ZC3H13: variants seen among roughly 807,000 people sequenced by gnomAD.
ZC3H13 encodes the protein zinc finger CCCH-type containing 13.
A neutral mutation model predicts 204.1 loss-of-function variants in ZC3H13; 64 were observed. The ratio of observed to expected loss-of-function variants is 0.31; its 90% CI spans 0.26 to 0.39. The LOEUF (loss-of-function observed/expected upper bound fraction) is 0.39, where lower values mean the gene tolerates loss of function less well. Among genes scored for constraint, ZC3H13 ranks in the 10% least tolerant of loss-of-function variants. The pLI is 1.00. For synonymous variants in ZC3H13, 667 were observed against 693.7 expected (o/e 0.96, Z 0.60); for missense variants, 1,833 against 2,082.7 (o/e 0.88, Z 2.33).
In ZC3H13 at chr13:46,045,400, A is replaced by G; in HGVS notation, c.108T>C (p.Ser36=). ...ACTAGTGACAACTCACCTCTGCTGT[A>G]CTGCCAGTGCTGGGTCCAAGCCTCT... is the stretch of plus-strand genomic sequence containing the variant. The part of the protein sequence containing the change: ...VFERLGPSTG[S]TAETQCRNWL... Residue 36 remains serine, a synonymous_variant, in exon 2 of 19, where the codon AGT becomes AGC. Transcript: ENST00000679008. The G allele has an allele frequency of 1.2e-6, 2 of 1,613,816 alleles. No homozygotes were observed. The highest frequency in any genetic ancestry group is 1.1e-5 in the South Asian group (1 of 91,086).
chr13:46,038,287 C>G (rs1278749780), intron 4 of ZC3H13, among the ~76,000 whole-genome samples: 2 of 152,196 alleles, frequency 1.3e-5, no homozygotes, highest in African/African-American at 2.4e-5. Flanking sequence ...CTTCTTCCCT[C>G]CCCTCTGACA....
chr13:46,037,691 G>C (rs1223733399), intron 4 of ZC3H13, among the ~76,000 whole-genome samples: 1 of 151,758 alleles, frequency 6.6e-6, no homozygotes, highest in African/African-American at 2.4e-5. Flanking sequence ...ACATCACCTA[G>C]ACCAGCCCTT....
Position 45,956,948 on chromosome 13 carries a change from T to C in ZC3H13, c.*179A>G, listed in dbSNP as rs1951306242. The C allele has an allele frequency of 4.3e-6, 2 of 463,020 alleles. No homozygotes were observed. 28.7% of individuals were successfully genotyped at this position (463,020 alleles called of 1,614,324 possible). On this transcript the variant is annotated 3_prime_UTR_variant, in exon 19 of 19. Coordinates refer to ENST00000679008, the MANE Select transcript of ZC3H13 (RefSeq NM_001330564.2). The stretch of plus-strand genomic sequence containing the variant: ...GTCAAATACTATGTAAAAATTAACG[T>C]AAAATCTTAAGTTGGCCAAAACTAG...
chr13:45,958,963 A>C (rs17067486), intron 18 of ZC3H13, among the ~76,000 whole-genome samples: 1,701 of 152,228 alleles, frequency 0.011, 17 homozygotes, highest in South Asian at 0.053. Context: ...CAAAAATCCC[A>C]GTTTCTTAAC....
chr13:45,965,219 T>C lies in ZC3H13; in HGVS notation c.4474+61A>G, dbSNP rs1278384117. 8 of 1,565,568 alleles carry C rather than the reference T, an allele frequency of 5.1e-6. No individual in the cohort carries two copies. The East Asian group carries it at 1.8e-4, about 36-fold the overall frequency. The stretch of plus-strand genomic sequence containing the variant: ...TCAATTTTTACAGAGTAGAAGGTAA[T>C]AATACTTTAATATCATATAACAGAT... On this transcript the variant is annotated intron_variant, in intron 16 of 18. Transcript: ENST00000679008.
rs1327345809 is a variant in ZC3H13, at chr13:45,967,560, C to T, written c.4265G>A (p.Gly1422Glu). 3 of 1,608,252 alleles carry T rather than the reference C, an allele frequency of 1.9e-6. No individual in the cohort carries two copies. Among genetic ancestry groups the T allele is most frequent in the African/African-American group, 1.3e-5 (1 of 74,586 alleles). The change falls in exon 15 of 19, where the codon GGA (glycine) becomes GAA (glutamate). Residue 1422 changes from glycine (G) to glutamate (E), a missense_variant. Around this residue, in one of 5 missense-constraint regions of ZC3H13, gnomAD observed 1,574 missense variants for 1,757.2 expected, o/e 0.90. Transcript: ENST00000679008. ...LDKERMDKDL[G>E]SVQGFEETNK... is the part of the protein sequence containing the mutation. ...TGTTTCTTCAAATCCCTGCACAGATCCCAGATCTTTATCCATTCTCTCTTT... is the reference window on the plus strand; with the variant it reads ...TGTTTCTTCAAATCCCTGCACAGATTCCAGATCTTTATCCATTCTCTCTTT...
chr13:46,051,384 T>C (rs2044403664), intron 1 of ZC3H13, among the ~76,000 whole-genome samples: 1 of 152,330 alleles, frequency 6.6e-6, no homozygotes, highest in Admixed American at 6.5e-5. Flanking sequence ...GTTACAAGCT[T>C]GCATCAACTT....
Position 46,010,550 on chromosome 13 carries a change from T to C in ZC3H13, c.589-45A>G, listed in dbSNP as rs149922842. 1.7e-3 allele frequency: 2,719 copies of C among 1,575,102 alleles called. 63 individuals are homozygous for C. In the Admixed American group the frequency reaches 0.033, roughly 19 times the overall value. Reference sequence around the variant, plus strand: ...GTCAATTCAGAAATTCCTCCACTTATGGTACAACAAGACTTACAGTATTTT... The same window carrying C: ...GTCAATTCAGAAATTCCTCCACTTACGGTACAACAAGACTTACAGTATTTT... On this transcript the variant is annotated intron_variant, in intron 6 of 18. Coordinates refer to ENST00000679008, the MANE Select transcript of ZC3H13 (RefSeq NM_001330564.2).
chr13:45,989,839 G>C (rs2039846049), intron 8 of ZC3H13, among the ~76,000 whole-genome samples: 1 of 151,950 alleles, frequency 6.6e-6, no homozygotes, highest in Non-Finnish European at 1.5e-5. Context: ...ATTATACCTG[G>C]GTCCTGTCCA....
intron 4 of ZC3H13, among the ~76,000 whole-genome samples, chr13:46,023,801 A>G (rs1226859485): frequency 6.6e-6 from 1 of 152,176 alleles, no homozygotes; most frequent in Admixed American, 6.6e-5. Context: ...TTCATTTATC[A>G]CAGCTCCGCT....
intron 7 of ZC3H13, 48 bp downstream of exon 7, chr13:46,010,300 C>T (rs368343414): frequency 6.8e-6 from 10 of 1,473,484 alleles, no homozygotes; most frequent in African/African-American, 5.6e-5. Context: ...TTTTTAGTAT[C>T]ACTTCAGAAA....
intron 4 of ZC3H13, among the ~76,000 whole-genome samples, chr13:46,037,765 GA>G (rs1380621476): frequency 2.0e-5 from 3 of 151,692 alleles, no homozygotes; most frequent in Admixed American, 6.6e-5. Context: ...ACATTAAAAA[GA>G]AAAAAAGATA....
At chr13:45,970,808 T>C (rs1373648996) in intron 12 of ZC3H13, among the ~76,000 whole-genome samples, 2 of 152,188 alleles carry the variant, frequency 1.3e-5, no homozygotes, top group African/African-American at 4.8e-5. Context: ...ATTCAGCAAT[T>C]TTGCATTCTT....
intron 8 of ZC3H13, among the ~76,000 whole-genome samples, chr13:46,000,298 T>A (rs1278419914): frequency 1.3e-5 from 2 of 152,238 alleles, no homozygotes; most frequent in Non-Finnish European, 2.9e-5. Flanking sequence ...CTGTATCAAC[T>A]ACACTGAAAA....
intron 7 of ZC3H13, among the ~76,000 whole-genome samples, chr13:46,009,260 T>C (rs939421448): frequency 5.9e-5 from 9 of 152,264 alleles, no homozygotes; most frequent in Admixed American, 3.9e-4. Context: ...GTAAATGTCA[T>C]TCTAAGGAAT....
chr13:45,982,967 A>T (rs1953786364), intron 10 of ZC3H13, among the ~76,000 whole-genome samples: 1 of 152,210 alleles, frequency 6.6e-6, no homozygotes, highest in Non-Finnish European at 1.5e-5. Context: ...TTCAAATAAA[A>T]AAATGATCAA....
At chr13:46,015,958 T>C (rs1252406893) in intron 5 of ZC3H13, among the ~76,000 whole-genome samples, 2 of 150,986 alleles carry the variant, frequency 1.3e-5, no homozygotes, top group South Asian at 2.1e-4. Flanking sequence ...GGTAACACAA[T>C]AGCAGAACGG....
At chr13:46,025,504 C>A (rs2042490621) in intron 4 of ZC3H13, among the ~76,000 whole-genome samples, 1 of 152,112 alleles carries the variant, frequency 6.6e-6, no homozygotes, top group Non-Finnish European at 1.5e-5. Context: ...GAGACAGGGT[C>A]TCTCTATGTT....
Position 45,959,599 on chromosome 13 carries a change from C to T in ZC3H13, c.4723G>A (p.Ala1575Thr), listed in dbSNP as rs1464570427. 3 of 1,547,932 alleles carry T rather than the reference C, an allele frequency of 1.9e-6. No individual in the cohort carries two copies. The highest frequency in any genetic ancestry group is 2.6e-6 in the Non-Finnish European group (3 of 1,145,862). ...GCTCTTTCTTCTTTTCGTAGTAATGCAGCCATATTGAGAGCCCCCAATTCA... is the reference window on the plus strand; with the variant it reads ...GCTCTTTCTTCTTTTCGTAGTAATGTAGCCATATTGAGAGCCCCCAATTCA... ...EHELGALNMAALLRKEERASL... is the reference protein window; with the variant it reads ...EHELGALNMATLLRKEERASL... The change falls in exon 18 of 19, where the codon GCA becomes ACA. Residue 1575 changes from alanine to threonine, a missense_variant. Physicochemically the swap from Ala to Thr is moderately conservative, Grantham distance 58. This residue lies in a region of ZC3H13 where 211 missense variants were observed against 228.4 expected (regional missense o/e 0.92). Coordinates refer to ENST00000679008, the MANE Select transcript of ZC3H13 (RefSeq NM_001330564.2).
Sources: gnomAD v4.1 joint callset for allele counts (sites outside exome capture counted in the v4.1 genomes callset) on GRCh38, gnomAD v4.1.1 for gene constraint, gnomAD v4.1.1 regional missense constraint, MANE v1.5 for transcripts, NCBI Gene and HGNC (gene_info 2026-07-23, HGNC 2026-07-21) for gene names.